The following PTPRD variants were observed in gnomAD, a reference collection of about 807,000 sequenced individuals.
The protein encoded by PTPRD is receptor-type tyrosine-protein phosphatase delta.
PTPRD carries 34 observed loss-of-function variants against 214.5 expected under a neutral mutation model. The observed-to-expected ratio is 0.16, with a 90% CI of 0.12 to 0.21. The LOEUF is 0.21. Ranked by LOEUF, PTPRD falls within the 10% of genes least tolerant of loss-of-function variation. The pLI is 1.00. For synonymous variants in PTPRD, 1,128 were observed against 845.7 expected, an observed-to-expected ratio of 1.33 and a Z score of -5.79; for missense variants, 2,545 against 2,398.7, an observed-to-expected ratio of 1.06 and a Z score of -1.27.
Position 8,527,352 on chromosome 9 carries a change from T to C in PTPRD, c.543A>G (p.Glu181=), listed in dbSNP as rs1592812938. 1.9e-6 allele frequency: 3 copies of C among 1,607,134 alleles called. No homozygotes were observed. The highest frequency in any genetic ancestry group is 1.7e-6 in the Non-Finnish European group (2 of 1,176,664). ...NNGRIKQLRS[E]SIGGTPIRGA... ...TCAGAACTAAGCACTTACCAATAGA[T>C]TCTGGAGATTTAAATACGGAGAGAA... Residue 181 remains glutamate (E), a splice_region_variant and synonymous_variant, in exon 16 of 46, where the codon GAA becomes GAG. Transcript: ENST00000381196.
intron 3 of PTPRD, among the ~76,000 whole-genome samples, chr9:10,052,543 T>C (rs1644393131): frequency 6.6e-6 from 1 of 152,172 alleles, no homozygotes; most frequent in Non-Finnish European, 1.5e-5. Context: ...TTTCAGGTAT[T>C]GTAAAACTGG....
chr9:9,182,327 G>T (rs2099928666), intron 10 of PTPRD, among the ~76,000 whole-genome samples: 1 of 152,028 alleles, frequency 6.6e-6, no homozygotes, highest in African/African-American at 2.4e-5. Flanking sequence ...ACAGGGGATA[G>T]GGACGGTGAT....
At chr9:9,709,149 C>T (rs2097680663) in intron 7 of PTPRD, among the ~76,000 whole-genome samples, 1 of 151,830 alleles carries the variant, frequency 6.6e-6, no homozygotes, top group African/African-American at 2.4e-5. Context: ...GATTCAAATA[C>T]CAAAACAAAC....
intron 3 of PTPRD, among the ~76,000 whole-genome samples, chr9:10,141,591 G>T (rs931817433): frequency 6.6e-6 from 1 of 151,996 alleles, no homozygotes; most frequent in African/African-American, 2.4e-5. Context: ...ACTGCTCAAC[G>T]AAATAAAAGA....
chr9:10,190,047 T>G (rs949570338), intron 3 of PTPRD, among the ~76,000 whole-genome samples: 2 of 152,026 alleles, frequency 1.3e-5, no homozygotes, highest in African/African-American at 4.8e-5. Flanking sequence ...CTCTGAGAAT[T>G]AGGAGAAGCT....
intron 7 of PTPRD, among the ~76,000 whole-genome samples, chr9:9,663,348 T>C (rs1594622648): frequency 1.3e-5 from 2 of 150,742 alleles, no homozygotes; most frequent in South Asian, 4.1e-4. Flanking sequence ...GTTATATCAA[T>C]AAACTTAATT....
At chr9:9,450,679 G>A (rs373918138) in intron 8 of PTPRD, among the ~76,000 whole-genome samples, 42 of 151,110 alleles carry the variant, frequency 2.8e-4, no homozygotes, top group Admixed American at 4.6e-4. Flanking sequence ...TTTTGTTTTC[G>A]TAACTTGATT....
chr9:8,987,515 G>T (rs886912219), intron 11 of PTPRD, among the ~76,000 whole-genome samples: 2 of 152,146 alleles, frequency 1.3e-5, no homozygotes, highest in Non-Finnish European at 2.9e-5. Flanking sequence ...GAAAAGTGCT[G>T]TGTTCATGTG....
In PTPRD at chr9:8,315,428, G is replaced by A. The variant is rs541350225; in HGVS notation, c.*2446C>T. The A allele has an allele frequency of 4.3e-6, 1 of 232,478 alleles. No individual in the cohort carries two copies. The highest frequency in any genetic ancestry group is 6.1e-5 in the East Asian group (1 of 16,524). 14.4% of individuals were successfully genotyped at this position (232,478 alleles called of 1,614,324 possible). ...CATGTCCAACAAGGCATGTCTGGAT[G>A]ATGCAATGTCTGTCTGACCCCCTTT... On this transcript the variant is annotated 3_prime_UTR_variant, in exon 46 of 46. Transcript: ENST00000381196.
At chr9:10,539,696 C>T (rs1013238500) in intron 2 of PTPRD, among the ~76,000 whole-genome samples, 4 of 152,168 alleles carry the variant, frequency 2.6e-5, no homozygotes, top group Admixed American at 2.6e-4. Flanking sequence ...TAGTTCCACC[C>T]ACTAACCACT....
intron 10 of PTPRD, among the ~76,000 whole-genome samples, chr9:9,142,624 T>C (rs1460957317): frequency 6.6e-6 from 1 of 152,224 alleles, no homozygotes; most frequent in Non-Finnish European, 1.5e-5. Context: ...CTAGAGATGT[T>C]TGTAACTTCT....
At chr9:10,082,119 A>G (rs1698552332) in intron 3 of PTPRD, among the ~76,000 whole-genome samples, 1 of 152,096 alleles carries the variant, frequency 6.6e-6, no homozygotes, top group Admixed American at 6.6e-5. Context: ...GAACCTCTTC[A>G]TTATAATCCA....
At chr9:9,630,849 G>A (rs1181618336) in intron 7 of PTPRD, among the ~76,000 whole-genome samples, 7 of 152,102 alleles carry the variant, frequency 4.6e-5, no homozygotes, top group East Asian at 1.9e-4. Context: ...TTCCCAGGAC[G>A]TAGAATGTAC....
At chr9:8,593,505 G>A (rs1326047157) in intron 14 of PTPRD, among the ~76,000 whole-genome samples, 2 of 152,204 alleles carry the variant, frequency 1.3e-5, no homozygotes, top group Admixed American at 6.5e-5. Flanking sequence ...GATATAACTA[G>A]TAGATCTTCT....
chr9:8,537,985 G>T (rs10815909), intron 14 of PTPRD, among the ~76,000 whole-genome samples: 38,287 of 151,634 alleles, frequency 0.25, 5,127 homozygotes, highest in African/African-American at 0.34. Flanking sequence ...TCAAATAAAC[G>T]CATTGAGAAA....
intron 3 of PTPRD, among the ~76,000 whole-genome samples, chr9:10,174,845 A>T (rs1366818769): frequency 6.6e-6 from 1 of 152,168 alleles, no homozygotes; most frequent in African/African-American, 2.4e-5. Flanking sequence ...TGTTAAAGTT[A>T]GTCTACTTTC....
chr9:10,526,900 A>G (rs901531932), intron 2 of PTPRD, among the ~76,000 whole-genome samples: 2 of 152,112 alleles, frequency 1.3e-5, no homozygotes, highest in Non-Finnish European at 2.9e-5. Context: ...TTCATTATCT[A>G]TGTGTTCATC....
chr9:8,328,252 G>A lies in PTPRD; in HGVS notation c.5534+3330C>T, dbSNP rs573053311. Among the ~76,000 whole-genome samples, 255 of 152,200 alleles carry A rather than the reference G, an allele frequency of 1.7e-3. 1 individual carries two copies. Among genetic ancestry groups the A allele is most frequent in the African/African-American group, 5.9e-3 (243 of 41,534 alleles). ...TCTCAGCATTTGCTTGTCTGAAAAGGATTTTATTTCTCCTTCACTTATGAA... is the reference window on the plus strand; with the variant it reads ...TCTCAGCATTTGCTTGTCTGAAAAGAATTTTATTTCTCCTTCACTTATGAA... On this transcript the variant is annotated intron_variant, in intron 44 of 45. Transcript: ENST00000381196.
At chr9:9,787,772 T>TTTATTATTATTATTATTATTATTATTA (rs373362978) in intron 5 of PTPRD, among the ~76,000 whole-genome samples, 5 of 149,082 alleles carry the variant, frequency 3.4e-5, no homozygotes, top group South Asian at 4.3e-4. Context: ...CAATTTTTTA[T>TTTATTATTATTATTATTATTATTATTA]TTATTATTAT....
Sources: allele counts gnomAD v4.1 joint callset (sites outside exome capture counted in the v4.1 genomes callset), GRCh38; gene constraint gnomAD v4.1.1; transcripts MANE v1.5; gene names NCBI Gene and HGNC (gene_info 2026-07-23, HGNC 2026-07-21).